The following IRGM variants were observed in gnomAD, a reference collection of about 807,000 sequenced individuals.
IRGM encodes the protein immunity-related GTPase family M protein.
For synonymous variants in IRGM, 98 were observed against 80.6 expected (o/e 1.22, Z -1.16); for missense variants, 288 against 219.9 (o/e 1.31, Z -1.96).
chr5:150,863,664 T>C (rs1754166948), intron 1 of IRGM, among the ~76,000 whole-genome samples: 1 of 152,144 alleles, frequency 6.6e-6, no homozygotes, highest in South Asian at 2.1e-4. Flanking sequence ...TCATATTTAA[T>C]ATTCCCAACA....
At chr5:150,895,777 T>C in intron 3 of IRGM, 2 of 1,613,650 alleles carry the variant, frequency 1.2e-6, no homozygotes, top group Non-Finnish European at 8.5e-7. Context: ...TTTTCTCCAG[T>C]ATGTGTTCTC....
intron 3 of IRGM, chr5:150,895,500 G>A (rs774943116): frequency 2.5e-6 from 4 of 1,613,188 alleles, no homozygotes; most frequent in Non-Finnish European, 3.4e-6. Flanking sequence ...CCCACATATA[G>A]CACATTGATA....
At chr5:150,892,259 TGCAA>T (rs1561752573) in intron 3 of IRGM, among the ~76,000 whole-genome samples, 2 of 151,874 alleles carry the variant, frequency 1.3e-5, no homozygotes, top group African/African-American at 4.8e-5. Flanking sequence ...AGCATCTGCA[TGCAA>T]GCATCATGTA....
At chr5:150,885,869 G>C (rs533021133) in intron 3 of IRGM, among the ~76,000 whole-genome samples, 1 of 152,032 alleles carries the variant, frequency 6.6e-6, no homozygotes, top group Non-Finnish European at 1.5e-5. Flanking sequence ...AACAGAGATC[G>C]TTTTACTTCT....
chr5:150,895,229 A>G, intron 3 of IRGM: 4 of 496,806 alleles, frequency 8.1e-6, no homozygotes, highest in Non-Finnish European at 1.4e-5. Context: ...TACATGCCAT[A>G]TTAAAAATGT....
downstream of IRGM, among the ~76,000 whole-genome samples, chr5:150,850,305 T>C (rs1346164046): frequency 6.6e-6 from 1 of 152,224 alleles, no homozygotes; most frequent in Non-Finnish European, 1.5e-5. Context: ...ATTATGTAAG[T>C]TCTATTTCCT....
At chr5:150,874,817 C>G (rs1754338767) in intron 1 of IRGM, among the ~76,000 whole-genome samples, 1 of 152,202 alleles carries the variant, frequency 6.6e-6, no homozygotes, top group South Asian at 2.1e-4. Flanking sequence ...GAGCAAGGCT[C>G]TGCTATCTTT....
At chr5:150,853,279 A>G (rs114544303), downstream of IRGM, among the ~76,000 whole-genome samples, 2,140 of 152,214 alleles carry the variant, frequency 0.014, 53 homozygotes, top group African/African-American at 0.046. Context: ...ATTGCATAGT[A>G]ATTGGGAAAG....
downstream of IRGM, among the ~76,000 whole-genome samples, chr5:150,851,717 A>G (rs920386109): frequency 2.0e-5 from 3 of 152,174 alleles, no homozygotes; most frequent in African/African-American, 7.2e-5. Flanking sequence ...CAGCTTCATT[A>G]CTCTTCCCTC....
chr5:150,854,677 C>T (rs1754026949), intron 1 of IRGM, among the ~76,000 whole-genome samples: 4 of 152,158 alleles, frequency 2.6e-5, no homozygotes, highest in Admixed American at 2.6e-4. Context: ...GAGAAACTTA[C>T]TGAAAATCTT....
intron 3 of IRGM, among the ~76,000 whole-genome samples, chr5:150,885,671 A>G (rs1385363727): frequency 1.3e-5 from 2 of 151,852 alleles, no homozygotes; most frequent in Non-Finnish European, 2.9e-5. Context: ...TATTATTTTT[A>G]TGGCAATTGT....
downstream of IRGM, among the ~76,000 whole-genome samples, chr5:150,849,067 G>T (rs966787165): frequency 6.6e-6 from 1 of 151,864 alleles, no homozygotes; most frequent in African/African-American, 2.4e-5. Context: ...GGCAAGTAAT[G>T]GTCGGGAGGA....
At position 150,864,911 on chromosome 5, in the gene IRGM, G is replaced by A. The variant is rs143208015; in HGVS notation, c.159-13069G>A. Among the ~76,000 whole-genome samples, 1,005 of 152,350 alleles carry A rather than the reference G, an allele frequency of 6.6e-3. 11 individuals are homozygous for A. Among genetic ancestry groups the A allele is most frequent in the African/African-American group, 0.023 (960 of 41,570 alleles). On this transcript the variant is annotated intron_variant and NMD_transcript_variant, in intron 1 of 3. Transcript: ENST00000520549. Reference sequence around the variant, plus strand: ...TGGATGACTGATTATTGCTCTTGACGATGGGCGTGTCCTGATGCTTCATGA... The same window carrying A: ...TGGATGACTGATTATTGCTCTTGACAATGGGCGTGTCCTGATGCTTCATGA...
At chr5:150,865,729 A>G (rs545749014) in intron 1 of IRGM, among the ~76,000 whole-genome samples, 6 of 152,214 alleles carry the variant, frequency 3.9e-5, no homozygotes, top group Non-Finnish European at 8.8e-5. Flanking sequence ...AGGGTGTATA[A>G]GAAGGAAAAT....
At chr5:150,888,834 T>A (rs1018398637) in intron 3 of IRGM, among the ~76,000 whole-genome samples, 2 of 152,092 alleles carry the variant, frequency 1.3e-5, no homozygotes, top group African/African-American at 4.8e-5. Context: ...GGCTGATATT[T>A]TGATAGAGAT....
At chr5:150,867,498 T>A (rs1754224286) in intron 1 of IRGM, among the ~76,000 whole-genome samples, 1 of 152,170 alleles carries the variant, frequency 6.6e-6, no homozygotes, top group Non-Finnish European at 1.5e-5. Flanking sequence ...ACATATTCAG[T>A]AGTAGGTTTA....
chr5:150,884,138 C>A (rs78757796), intron 3 of IRGM, among the ~76,000 whole-genome samples: 2 of 151,632 alleles, frequency 1.3e-5, no homozygotes, highest in African/African-American at 2.4e-5. Context: ...GAATGAAGGA[C>A]AAAAGCCATA....
intron 1 of IRGM, among the ~76,000 whole-genome samples, chr5:150,866,062 T>TA (rs1489088239): frequency 6.6e-6 from 1 of 152,190 alleles, no homozygotes; most frequent in Non-Finnish European, 1.5e-5. Context: ...CAGCCAAGGA[T>TA]GTCTTTTTAA....
intron 3 of IRGM, chr5:150,897,231 C>A (rs982060052): frequency 1.7e-5 from 6 of 358,000 alleles, no homozygotes; most frequent in East Asian, 4.4e-5. Context: ...TTTGATTATT[C>A]TTCTAGAATA....
Sources: gnomAD v4.1 joint callset for allele counts (sites outside exome capture counted in the v4.1 genomes callset) on GRCh38, gnomAD v4.1.1 for gene constraint, MANE v1.5 for transcripts, NCBI Gene and HGNC (gene_info 2026-07-23, HGNC 2026-07-21) for gene names.